ZNF791: variants seen among roughly 807,000 people sequenced by gnomAD.
ZNF791 encodes zinc finger protein 791.
ZNF791 carries 4 observed loss-of-function variants against 11.5 expected under a neutral mutation model. The ratio of observed to expected loss-of-function variants is 0.35; its 90% confidence interval spans 0.17 to 0.80. ZNF791 has a LOEUF of 0.80. Ranked by LOEUF, ZNF791 falls within the 30% of genes least tolerant of loss-of-function variation. ZNF791 has a pLI of 0.53. For missense variants in ZNF791, 559 were observed against 699.4 expected (o/e 0.80, Z 2.26); for synonymous variants, 212 against 228.1 (o/e 0.93, Z 0.64).
intron 3 of ZNF791, among the ~76,000 whole-genome samples, chr19:12,626,162 A>T (rs899492015): frequency 1.3e-5 from 2 of 152,082 alleles, no homozygotes; most frequent in African/African-American, 2.4e-5. Context: ...GATTACAGGC[A>T]TGCATCACCA....
chr19:12,619,490 C>CCGTCGT (rs370136074), intron 1 of ZNF791, among the ~76,000 whole-genome samples: 1 of 139,574 alleles, frequency 7.2e-6, no homozygotes. Flanking sequence ...CGATTTGTCT[C>CCGTCGT]CCAGGCTGGA....
rs1403522295 is a variant in ZNF791 at position 12,628,360 on chromosome 19, T to C, written c.831T>C (p.Cys277=). The change falls in exon 4 of 4, where the codon TGT becomes TGC. Residue 277 remains cysteine (C), a synonymous_variant. Transcript: ENST00000343325. ...NGDRPYKCKE[C]GKAFIFPSFL... ...ATAGACCTTATAAATGCAAAGAATG[T>C]GGAAAGGCATTCATTTTTCCCAGTT... is the stretch of plus-strand genomic sequence containing the variant. 1.9e-6 allele frequency: 3 copies of C among 1,610,064 alleles called. No homozygotes were observed. The South Asian group carries it at 3.3e-5, about 18-fold the overall frequency.
At position 12,615,934 on chromosome 19, in the gene ZNF791, T is replaced by C. The variant is rs564615901; in HGVS notation, c.3+4852T>C. ...TGTATGAACAGTATTTTTCAACTCA[T>C]GTGAGTAAATAGCAAGGAATGTGAT... On this transcript the variant is annotated intron_variant, in intron 1 of 3. Transcript: ENST00000343325. 1.1e-3 allele frequency among the ~76,000 whole-genome samples: 169 copies of C among 152,244 alleles called. 1 individual carries two copies. Among genetic ancestry groups the C allele is most frequent in the African/African-American group, 3.9e-3 (160 of 41,542 alleles).
chr19:12,624,234 C>A (rs2023395528), intron 2 of ZNF791, among the ~76,000 whole-genome samples: 1 of 146,776 alleles, frequency 6.8e-6, no homozygotes, highest in African/African-American at 2.5e-5. Context: ...CTCACTGTAA[C>A]CTCCGCCTCC....
intron 1 of ZNF791, among the ~76,000 whole-genome samples, chr19:12,615,648 G>A (rs7256101): frequency 0.55 from 82,521 of 151,188 alleles, 24,097 homozygotes; most frequent in Non-Finnish European, 0.67. Context: ...GTGTGGTGGC[G>A]CACACCTGTA....
Position 12,610,976 on chromosome 19 carries a change from C to A in ZNF791, c.-104C>A. Reference sequence around the variant, plus strand: ...TGTGCTTAGCTTGGGGTCTCCTGGCCCCTTGACGCGTCAGGTTGCTGTACC... The same window carrying A: ...TGTGCTTAGCTTGGGGTCTCCTGGCACCTTGACGCGTCAGGTTGCTGTACC... On this transcript the variant is annotated 5_prime_UTR_variant, in exon 1 of 4. Transcript: ENST00000343325. 2 of 1,498,040 alleles carry A rather than the reference C, an allele frequency of 1.3e-6. No homozygotes were observed. The highest frequency in any genetic ancestry group is 2.3e-5 in the South Asian group (2 of 87,796). The allele number at this position is 1,498,040 out of a possible 1,614,324, so 92.8% of individuals were successfully genotyped here.
At chr19:12,622,893 CAAAAA>C (rs34772341) in intron 1 of ZNF791, among the ~76,000 whole-genome samples, 379 of 93,688 alleles carry the variant, frequency 4.0e-3, no homozygotes, top group Middle Eastern at 6.2e-3. Flanking sequence ...GACTCCGTCT[CAAAAA>C]AAAAAAAAAA....
At chr19:12,614,166 TC>T (rs2023203130) in intron 1 of ZNF791, among the ~76,000 whole-genome samples, 1 of 152,110 alleles carries the variant, frequency 6.6e-6, no homozygotes, top group African/African-American at 2.4e-5. Flanking sequence ...CTCCCATAGT[TC>T]CTTGCTGATC....
At chr19:12,622,656 T>A (rs1971747) in intron 1 of ZNF791, among the ~76,000 whole-genome samples, 151,611 of 151,656 alleles carry the variant, frequency 1, 75,785 homozygotes, top group Non-Finnish European at 1. Context: ...GCACTTTGGG[T>A]GGCCGAGGAG....
In ZNF791 at chr19:12,610,991, G is replaced by GTTGC. The variant is rs1488397606; in HGVS notation, c.-87_-84dup. 1.9e-6 allele frequency: 3 copies of GTTGC among 1,578,158 alleles called. No individual in the cohort carries two copies. The highest frequency in any genetic ancestry group is 2.6e-6 in the Non-Finnish European group (3 of 1,148,596). On this transcript the variant is annotated 5_prime_UTR_variant, in exon 1 of 4. The change creates a premature stop within an existing upstream ORF in the 5' untranslated region. Transcript: ENST00000343325. ...GTCTCCTGGCCCCTTGACGCGTCAG[G>GTTGC]TTGCTGTACCCCTGCATCGGATGCG...
Position 12,610,960 on chromosome 19 carries a change from C to T in ZNF791, c.-120C>T. 1.5e-6 allele frequency: 2 copies of T among 1,373,096 alleles called. No homozygotes were observed. The highest frequency in any genetic ancestry group is 2.1e-6 in the Non-Finnish European group (2 of 966,416). The allele number at this position is 1,373,096 out of a possible 1,614,324, so 85.1% of individuals were successfully genotyped here. ...CACTGTGCGATCGGGTTGTGCTTAGCTTGGGGTCTCCTGGCCCCTTGACGC... is the reference window on the plus strand; with the variant it reads ...CACTGTGCGATCGGGTTGTGCTTAGTTTGGGGTCTCCTGGCCCCTTGACGC... On this transcript the variant is annotated 5_prime_UTR_variant, in exon 1 of 4. Coordinates refer to ENST00000343325, the MANE Select transcript of ZNF791 (RefSeq NM_153358.3).
intron 1 of ZNF791, among the ~76,000 whole-genome samples, chr19:12,618,459 C>T (rs1023776131): frequency 2.0e-5 from 3 of 151,870 alleles, no homozygotes; most frequent in Non-Finnish European, 1.5e-5. Context: ...TGCTGTGAGC[C>T]GTGACTGCAC....
At chr19:12,612,918 C>G (rs2023183370) in intron 1 of ZNF791, among the ~76,000 whole-genome samples, 1 of 151,366 alleles carries the variant, frequency 6.6e-6, no homozygotes, top group Non-Finnish European at 1.5e-5. Flanking sequence ...AGCTGAGGAG[C>G]CACAGGCAGA....
chr19:12,611,095 G>A lies in ZNF791; in HGVS notation c.3+13G>A. The stretch of plus-strand genomic sequence containing the variant: ...AGGCCGGAAAATGGTGAGTGTGCAG[G>A]GCCGGACTAGTTGGAACCGGCCGTG... On this transcript the variant is annotated intron_variant, in intron 1 of 3. Coordinates refer to ENST00000343325, the MANE Select transcript of ZNF791 (RefSeq NM_153358.3). 6.2e-7 allele frequency: 1 copy of A among 1,614,066 alleles called. No homozygotes were observed. Among genetic ancestry groups the A allele is most frequent in the Non-Finnish European group, 8.5e-7 (1 of 1,179,992 alleles).
At chr19:12,627,494 C>T (rs1360263497) in intron 3 of ZNF791, among the ~76,000 whole-genome samples, 7 of 150,954 alleles carry the variant, frequency 4.6e-5, no homozygotes, top group South Asian at 2.1e-4. Flanking sequence ...GGCGTGGTGG[C>T]GCATGCCTGT....
chr19:12,628,932 A>G lies in ZNF791; in HGVS notation c.1403A>G (p.Tyr468Cys), dbSNP rs763844779. 2.5e-6 allele frequency: 4 copies of G among 1,613,956 alleles called. No individual in the cohort carries two copies. The highest frequency in any genetic ancestry group is 3.3e-5 in the Admixed American group (2 of 59,972). The change falls in exon 4 of 4, where the codon TAT (tyrosine) becomes TGT (cysteine). Residue 468 changes from tyrosine to cysteine, a missense_variant. Tyr to Cys is a radical substitution (Grantham distance 194). Coordinates refer to ENST00000343325, the MANE Select transcript of ZNF791 (RefSeq NM_153358.3). Reference sequence around the variant, plus strand: ...AGAACTCACACTGGAGAGAAACCCTATGAATGTAAACAATGTGGAAAAGCC... The same window carrying G: ...AGAACTCACACTGGAGAGAAACCCTGTGAATGTAAACAATGTGGAAAAGCC... ...HERTHTGEKP[Y>C]ECKQCGKAFS...
intron 1 of ZNF791, among the ~76,000 whole-genome samples, chr19:12,618,541 G>A (rs752262165): frequency 1.3e-5 from 2 of 151,610 alleles, no homozygotes; most frequent in African/African-American, 4.8e-5. Flanking sequence ...GTGGTGGCTC[G>A]CGCCTGAGGC....
chr19:12,620,737 G>A (rs1390686667), intron 1 of ZNF791, among the ~76,000 whole-genome samples: 5 of 140,692 alleles, frequency 3.6e-5, no homozygotes, highest in Admixed American at 1.4e-4. Flanking sequence ...TGAAACTGGA[G>A]AAAGGGGATT....
intron 1 of ZNF791, chr19:12,612,281 C>T: frequency 3.8e-6 from 1 of 261,346 alleles, no homozygotes; most frequent in South Asian, 1.5e-4. Context: ...TCAAGCGATC[C>T]TCCACCCTCA....
Sources: gnomAD v4.1 joint callset for allele counts (sites outside exome capture counted in the v4.1 genomes callset) on GRCh38, gnomAD v4.1.1 for gene constraint, MANE v1.5 for transcripts, NCBI Gene and HGNC (gene_info 2026-07-23, HGNC 2026-07-21) for gene names.